The following HIVEP3 variants were observed in gnomAD, a reference collection of about 807,000 sequenced individuals.
HIVEP3 encodes the protein transcription factor HIVEP3.
Under a neutral mutation model 152.8 loss-of-function variants are expected in HIVEP3, and 49 were observed. That is an observed-to-expected ratio of 0.32 (90% CI 0.26 to 0.41). The LOEUF (loss-of-function observed/expected upper bound fraction) is 0.41. Ranked by LOEUF, HIVEP3 falls within the 10% of genes least tolerant of loss-of-function variation. The pLI, the probability that HIVEP3 is intolerant of heterozygous loss-of-function variation, is 1.00. For synonymous variants in HIVEP3, 1,269 were observed against 1,289.0 expected (o/e 0.98, Z 0.33); for missense variants, 2,790 against 3,103.3 (o/e 0.90, Z 2.40).
intron 1 of HIVEP3, among the ~76,000 whole-genome samples, chr1:41,799,137 A>G (rs145996043): frequency 3.0e-4 from 45 of 152,344 alleles, no homozygotes; most frequent in African/African-American, 1.1e-3. Flanking sequence ...TTATTTAGTC[A>G]TGAAATCTTT....
At chr1:41,746,566 G>A (rs150017414) in intron 1 of HIVEP3, among the ~76,000 whole-genome samples, 41 of 152,304 alleles carry the variant, frequency 2.7e-4, no homozygotes, top group African/African-American at 9.9e-4. Context: ...GGGATGGCAG[G>A]TCCCAATTGG....
chr1:41,822,869 C>T (rs1012372645), intron 1 of HIVEP3, among the ~76,000 whole-genome samples: 2 of 152,206 alleles, frequency 1.3e-5, no homozygotes, highest in African/African-American at 4.8e-5. Context: ...TTTCAGCATT[C>T]ATGTTCTAGT....
At chr1:41,705,126 C>G (rs1402483689) in intron 1 of HIVEP3, among the ~76,000 whole-genome samples, 1 of 152,240 alleles carries the variant, frequency 6.6e-6, no homozygotes, top group Non-Finnish European at 1.5e-5. Flanking sequence ...ATGCCCTTTA[C>G]AGAGGACAAA....
At chr1:41,575,803 T>A (rs1569969239) in intron 4 of HIVEP3, 114 bp from the exon 5 acceptor site, 1 of 1,147,886 alleles carries the variant, frequency 8.7e-7, no homozygotes, top group East Asian at 2.4e-5. Context: ...ACATATGCAA[T>A]CTTCACACTC....
At chr1:42,028,384 G>A (rs1237274679) in intron 1 of HIVEP3, among the ~76,000 whole-genome samples, 1 of 152,170 alleles carries the variant, frequency 6.6e-6, no homozygotes, top group Admixed American at 6.5e-5. Context: ...TACAGTAGAA[G>A]GAGAGACCAG....
intron 1 of HIVEP3, among the ~76,000 whole-genome samples, chr1:41,832,334 C>G (rs888289822): frequency 6.6e-6 from 1 of 152,076 alleles, no homozygotes; most frequent in African/African-American, 2.4e-5. Context: ...TCAAGACCAG[C>G]CTGGGCAATG....
At chr1:41,969,096 G>A (rs1645214771) in intron 1 of HIVEP3, among the ~76,000 whole-genome samples, 1 of 152,168 alleles carries the variant, frequency 6.6e-6, no homozygotes, top group Non-Finnish European at 1.5e-5. Flanking sequence ...CATGTTCATG[G>A]ATAGGAAGAA....
At chr1:42,031,687 C>A (rs1367497061) in intron 1 of HIVEP3, among the ~76,000 whole-genome samples, 3 of 152,140 alleles carry the variant, frequency 2.0e-5, no homozygotes, top group Non-Finnish European at 4.4e-5. Flanking sequence ...ATTGAAAATA[C>A]AAGAACAATA....
At chr1:41,519,110 A>G (rs536828750) in intron 6 of HIVEP3, among the ~76,000 whole-genome samples, 15 of 152,314 alleles carry the variant, frequency 9.8e-5, no homozygotes, top group Admixed American at 4.6e-4. Flanking sequence ...AGGAGCCACA[A>G]GGCTGGGGGC....
intron 1 of HIVEP3, among the ~76,000 whole-genome samples, chr1:41,702,441 C>G (rs7527930): frequency 0.017 from 2,632 of 152,224 alleles, 76 homozygotes; most frequent in African/African-American, 0.06. Context: ...TTCAGAGTTG[C>G]GTGAACTTAG....
intron 5 of HIVEP3, among the ~76,000 whole-genome samples, chr1:41,530,630 C>G (rs35037106): frequency 6.6e-6 from 1 of 152,198 alleles, no homozygotes; most frequent in Admixed American, 6.5e-5. Context: ...CCGCCACCAC[C>G]TGCAATGGTG....
At chr1:41,858,963 GA>G (rs1256648750) in intron 1 of HIVEP3, among the ~76,000 whole-genome samples, 1 of 152,236 alleles carries the variant, frequency 6.6e-6, no homozygotes, top group Non-Finnish European at 1.5e-5. Context: ...AGAGGCTGGA[GA>G]AGCTGGAGAG....
intron 2 of HIVEP3, among the ~76,000 whole-genome samples, chr1:41,666,770 T>C (rs1645802487): frequency 1.3e-5 from 2 of 152,036 alleles, no homozygotes; most frequent in African/African-American, 4.8e-5. Flanking sequence ...CAGGTAGAAC[T>C]CTCTAGGACA....
chr1:41,945,816 C>G (rs1645071698), intron 1 of HIVEP3, among the ~76,000 whole-genome samples: 1 of 152,162 alleles, frequency 6.6e-6, no homozygotes, highest in South Asian at 2.1e-4. Context: ...CTAAGGGAGG[C>G]ATTGAGGAAG....
intron 2 of HIVEP3, among the ~76,000 whole-genome samples, chr1:41,659,581 A>G (rs556497121): frequency 1.5e-4 from 23 of 152,314 alleles, no homozygotes; most frequent in African/African-American, 5.1e-4. Flanking sequence ...ACACTCATTC[A>G]ATAAATGCTA....
chr1:41,891,047 G>A (rs970394744), intron 1 of HIVEP3, among the ~76,000 whole-genome samples: 2 of 152,130 alleles, frequency 1.3e-5, no homozygotes, highest in East Asian at 1.9e-4. Context: ...CAGAGGCTCC[G>A]GGCTCCCCAG....
At chr1:41,734,800 G>T (rs1346679612) in intron 1 of HIVEP3, among the ~76,000 whole-genome samples, 2 of 152,212 alleles carry the variant, frequency 1.3e-5, no homozygotes, top group African/African-American at 2.4e-5. Context: ...ATCCACCAAC[G>T]TGGGTGGCTG....
intron 1 of HIVEP3, among the ~76,000 whole-genome samples, chr1:41,977,859 G>A (rs929497147): frequency 7.2e-5 from 11 of 152,164 alleles, no homozygotes; most frequent in African/African-American, 9.7e-5. Flanking sequence ...TACACCTCAC[G>A]TGGATGCTTC....
At chr1:41,672,973 A>T in intron 2 of HIVEP3, among the ~76,000 whole-genome samples, 1 of 152,282 alleles carries the variant, frequency 6.6e-6, no homozygotes, top group East Asian at 1.9e-4. Context: ...TTTAAAAATT[A>T]GAAGGAAATG....
Sources: allele counts gnomAD v4.1 joint callset (sites outside exome capture counted in the v4.1 genomes callset), GRCh38; gene constraint gnomAD v4.1.1; transcripts MANE v1.5; gene names NCBI Gene and HGNC (gene_info 2026-07-23, HGNC 2026-07-21).